ATP10A: variants seen among roughly 807,000 people sequenced by gnomAD.
ATP10A encodes the protein ATPase phospholipid transporting 10A (putative).
Under a neutral mutation model 147.8 loss-of-function variants are expected in ATP10A, and 111 were observed. The observed-to-expected ratio is 0.75, with a 90% CI of 0.64 to 0.88. The LOEUF is 0.88. Among genes scored for constraint, ATP10A ranks in the 40% least tolerant of loss-of-function variants. The pLI is 0.00. For synonymous variants in ATP10A, 875 were observed against 841.6 expected (o/e 1.04, Z -0.69); for missense variants, 1,927 against 1,959.0 (o/e 0.98, Z 0.31).
At chr15:25,689,969 G>A (rs564847416) in intron 15 of ATP10A, among the ~76,000 whole-genome samples, 13 of 152,332 alleles carry the variant, frequency 8.5e-5, no homozygotes, top group African/African-American at 3.1e-4. Context: ...TTCAGTAGAG[G>A]AAACAGTGAA....
intron 1 of ATP10A, among the ~76,000 whole-genome samples, chr15:25,821,245 TG>T (rs1891867034): frequency 6.6e-6 from 1 of 151,942 alleles, no homozygotes; most frequent in Non-Finnish European, 1.5e-5. Context: ...AAAAGTTACC[TG>T]GGTGTCATGG....
At chr15:25,675,670 C>T (rs943984174), downstream of ATP10A, among the ~76,000 whole-genome samples, 5 of 152,100 alleles carry the variant, frequency 3.3e-5, no homozygotes, top group African/African-American at 9.7e-5. Context: ...CAAGGTCAGG[C>T]GGCGCTGGCT....
At chr15:25,786,864 T>C (rs1033388245) in intron 1 of ATP10A, among the ~76,000 whole-genome samples, 3 of 151,046 alleles carry the variant, frequency 2.0e-5, no homozygotes, top group East Asian at 2.0e-4. Flanking sequence ...CTCAATCTCC[T>C]GACCTCATGA....
At chr15:25,745,566 A>AAG (rs1046589042) in intron 2 of ATP10A, among the ~76,000 whole-genome samples, 5 of 151,886 alleles carry the variant, frequency 3.3e-5, no homozygotes, top group Admixed American at 2.6e-4. Flanking sequence ...TGCTATAAGA[A>AAG]AGAGAGAGAG....
At chr15:25,832,688 A>T (rs1321046824) in intron 1 of ATP10A, among the ~76,000 whole-genome samples, 1 of 152,166 alleles carries the variant, frequency 6.6e-6, no homozygotes, top group Admixed American at 6.5e-5. Flanking sequence ...AAAGGAAATG[A>T]AAAGAGTATG....
chr15:25,813,289 G>C (rs1443713752), intron 1 of ATP10A, among the ~76,000 whole-genome samples: 1 of 152,206 alleles, frequency 6.6e-6, no homozygotes, highest in Admixed American at 6.5e-5. Context: ...AGAGTAATCT[G>C]ATGGGTATTA....
chr15:25,802,365 C>G lies in ATP10A; in HGVS notation c.450-21142G>C, dbSNP rs546105816. Among the ~76,000 whole-genome samples the G allele has an allele frequency of 1.1e-4, 16 of 152,270 alleles. No individual in the cohort carries two copies. In the East Asian group the frequency reaches 2.5e-3, roughly 24 times the overall value. On this transcript the variant is annotated intron_variant, in intron 1 of 20. Coordinates refer to ENST00000555815, the MANE Select transcript of ATP10A (RefSeq NM_024490.4). ...TTTGTTGATAAACGTCCAGCAGGTT[C>G]TCTCAGGCCCGTGAGCCTCCCTGTT...
chr15:25,791,469 C>T (rs1429956475), intron 1 of ATP10A, among the ~76,000 whole-genome samples: 1 of 152,194 alleles, frequency 6.6e-6, no homozygotes, highest in African/African-American at 2.4e-5. Flanking sequence ...TCACTGCAGC[C>T]TCGACCTCCT....
At chr15:25,754,980 G>A (rs1339401033) in intron 2 of ATP10A, among the ~76,000 whole-genome samples, 1 of 152,094 alleles carries the variant, frequency 6.6e-6, no homozygotes, top group East Asian at 1.9e-4. Context: ...AAAAGCTAAT[G>A]AAAATCTAAA....
intron 3 of ATP10A, among the ~76,000 whole-genome samples, chr15:25,731,211 G>T (rs763159516): frequency 6.6e-6 from 1 of 152,220 alleles, no homozygotes; most frequent in Non-Finnish European, 1.5e-5. Flanking sequence ...CCTGCTCTGT[G>T]GGGTAAGAAT....
intron 7 of ATP10A, among the ~76,000 whole-genome samples, chr15:25,720,535 T>C (rs893255078): frequency 1.3e-5 from 2 of 151,898 alleles, no homozygotes; most frequent in Non-Finnish European, 2.9e-5. Flanking sequence ...TGCACTGTGC[T>C]GTACCAGGTT....
rs73361191 is a variant in ATP10A at position 25,702,077 on chromosome 15, G to A, written c.2599C>T (p.Leu867=). The A allele has an allele frequency of 1.9e-6, 3 of 1,613,122 alleles. No homozygotes were observed. The African/African-American group carries it at 4.0e-5, about 22-fold the overall frequency. Residue 867 remains leucine (L), a synonymous_variant, in exon 13 of 21, where the codon CTG becomes TTG. Transcript: ENST00000555815. ...ATAGTTTCAGGGACTCCGTCCTGCAGGCGGTCTTCAATCCCAGTGGCACCT... is the reference window on the plus strand; with the variant it reads ...ATAGTTTCAGGGACTCCGTCCTGCAAGCGGTCTTCAATCCCAGTGGCACCT... ...LLGATGIEDR[L]QDGVPETISK...
intron 2 of ATP10A, among the ~76,000 whole-genome samples, chr15:25,737,750 A>G (rs889341544): frequency 1.1e-4 from 17 of 152,280 alleles, no homozygotes; most frequent in Admixed American, 4.6e-4. Flanking sequence ...TTAGAGAGGA[A>G]GTCTTTAAAG....
rs147509751 is a variant in ATP10A at position 25,759,801 on chromosome 15, C to CAA, written c.654+21216_654+21217dup. The stretch of plus-strand genomic sequence containing the variant: ...TCCAGCCTGGGTGGAGACCCTGTCT[C>CAA]AAAAAAAAAAAAAAATAGTGAAAAG... On this transcript the variant is annotated intron_variant, in intron 2 of 20. Transcript: ENST00000555815. 2.6e-3 allele frequency among the ~76,000 whole-genome samples: 356 copies of CAA among 138,056 alleles called. 2 individuals are homozygous for CAA. Among genetic ancestry groups the CAA allele is most frequent in the Middle Eastern group, 0.025 (7 of 276 alleles). The allele number at this position is 138,056 out of a possible 152,430, so 90.6% of individuals were successfully genotyped here. A position where few individuals can be genotyped will look rare whatever the true frequency, so the allele number is the denominator to read the frequency against.
intron 2 of ATP10A, among the ~76,000 whole-genome samples, chr15:25,747,995 C>T (rs1887936036): frequency 6.6e-6 from 1 of 151,712 alleles, no homozygotes; most frequent in Admixed American, 6.6e-5. Context: ...GACGGAGTCT[C>T]GCTCTGTCGC....
chr15:25,679,749 C>A lies in ATP10A; in HGVS notation c.4092G>T (p.Leu1364=). The change falls in exon 21 of 21, where the codon CTG becomes CTT. Residue 1364 remains leucine (L), a synonymous_variant. Coordinates refer to ENST00000555815, the MANE Select transcript of ATP10A (RefSeq NM_024490.4). ...SWHTQQPVCS[L]EASGEPSTVD... is the part of the protein sequence containing the mutation. ...CTGTGCTGGGCTCCCCGCTGGCCTCCAGGGAGCAGACCGGCTGCTGTGTGT... is the reference window on the plus strand; with the variant it reads ...CTGTGCTGGGCTCCCCGCTGGCCTCAAGGGAGCAGACCGGCTGCTGTGTGT... The A allele has an allele frequency of 6.2e-7, 1 of 1,613,476 alleles. No individual in the cohort carries two copies. Among genetic ancestry groups the A allele is most frequent in the Non-Finnish European group, 8.5e-7 (1 of 1,180,022 alleles).
chr15:25,801,913 C>A (rs552726031), intron 1 of ATP10A, among the ~76,000 whole-genome samples: 1 of 152,308 alleles, frequency 6.6e-6, no homozygotes, highest in Admixed American at 6.5e-5. Flanking sequence ...TGGCCACCTG[C>A]ACCCTACAGA....
chr15:25,710,783 T>C (rs957273807), intron 10 of ATP10A: 1 of 152,226 alleles, frequency 6.6e-6, no homozygotes, highest in African/African-American at 2.4e-5. Flanking sequence ...CATCTCTCTG[T>C]CCTTGCTCTG....
At position 25,863,003 on chromosome 15, in the gene ATP10A, G is replaced by A. The variant is rs1893844059; in HGVS notation, c.94C>T (p.Leu32=). The change falls in exon 1 of 21, where the codon CTG becomes TTG. Residue 32 remains leucine (L), a synonymous_variant. Coordinates refer to ENST00000555815, the MANE Select transcript of ATP10A (RefSeq NM_024490.4). ...GRTRTVRSNL[L]PPPGAEDPAA... ...GGGTCCTCGGCGCCCGGGGGCGGCA[G>A]CAGGTTGGAGCGCACCGTGCGCGTC... The A allele has an allele frequency of 1.4e-6, 2 of 1,384,420 alleles. No homozygotes were observed. Among genetic ancestry groups the A allele is most frequent in the Non-Finnish European group, 1.9e-6 (2 of 1,079,204 alleles). The allele number at this position is 1,384,420 out of a possible 1,614,324, so 85.8% of individuals were successfully genotyped here. A position where few individuals can be genotyped will look rare whatever the true frequency, so the allele number is the denominator to read the frequency against.
Sources: allele counts gnomAD v4.1 joint callset (sites outside exome capture counted in the v4.1 genomes callset), GRCh38; gene constraint gnomAD v4.1.1; transcripts MANE v1.5; gene names NCBI Gene and HGNC (gene_info 2026-07-23, HGNC 2026-07-21).